The following GLIS1 variants were observed in gnomAD, a reference collection of about 807,000 sequenced individuals.
GLIS1 encodes the protein GLIS family zinc finger 1.
GLIS1 carries 24 observed loss-of-function variants against 63.8 expected under a neutral mutation model. The ratio of observed to expected loss-of-function variants is 0.38; its 90% CI spans 0.27 to 0.53. The LOEUF (loss-of-function observed/expected upper bound fraction) is 0.53. Ranked by LOEUF, GLIS1 falls within the 20% of genes least tolerant of loss-of-function variation. The pLI, the probability that GLIS1 is intolerant of heterozygous loss-of-function variation, is 0.85. For missense variants in GLIS1, 1,036 were observed against 1,074.1 expected (o/e 0.96, Z 0.50); for synonymous variants, 450 against 482.5 (o/e 0.93, Z 0.88).
At chr1:53,576,623 T>C (rs1645034393) in intron 4 of GLIS1, among the ~76,000 whole-genome samples, 1 of 152,154 alleles carries the variant, frequency 6.6e-6, no homozygotes, top group Non-Finnish European at 1.5e-5. Flanking sequence ...GCTGCTAGGC[T>C]GGTATAAACC....
intron 4 of GLIS1, among the ~76,000 whole-genome samples, chr1:53,573,150 C>G (rs1465497918): frequency 6.6e-6 from 1 of 152,176 alleles, no homozygotes; most frequent in Non-Finnish European, 1.5e-5. Flanking sequence ...GTATGGAATA[C>G]AGAGCTTCAG....
chr1:53,594,822 C>CG lies in GLIS1; in HGVS notation c.605dup (p.Arg204ProfsTer103). ...GCGCAGGGGTGGCGAGGCTTCGGCC[C>CG]GGGAGGTCCAGGTCTGGGTGCAGGC... On this transcript the variant is annotated frameshift_variant, in exon 4 of 11. Coordinates refer to ENST00000628545, the MANE Select transcript of GLIS1 (RefSeq NM_001367484.1). LOFTEE classifies it high-confidence loss of function. 1 of 1,605,510 alleles carries CG rather than the reference C, an allele frequency of 6.2e-7. No individual in the cohort carries two copies. The highest frequency in any genetic ancestry group is 8.5e-7 in the Non-Finnish European group (1 of 1,177,264).
In GLIS1 at chr1:53,557,387, T is replaced by C. The variant is rs150868357; in HGVS notation, c.1321-27435A>G. 3.2e-3 allele frequency among the ~76,000 whole-genome samples: 493 copies of C among 152,250 alleles called. 2 individuals are homozygous for C. The highest frequency in any genetic ancestry group is 0.01 in the African/African-American group (431 of 41,536). The stretch of plus-strand genomic sequence containing the variant: ...TTGGCCATGGTCACTCAGATAGTCA[T>C]AGCAATTGGGATTTGACTCAAGCAG... On this transcript the variant is annotated intron_variant, in intron 4 of 10. Coordinates refer to ENST00000628545, the MANE Select transcript of GLIS1 (RefSeq NM_001367484.1).
At chr1:53,709,616 C>T (rs1045480302) in intron 2 of GLIS1, among the ~76,000 whole-genome samples, 2 of 151,936 alleles carry the variant, frequency 1.3e-5, no homozygotes, top group African/African-American at 2.4e-5. Context: ...AAAACTCATT[C>T]ATATTTACTC....
Position 53,594,187 on chromosome 1 carries a change from C to T in GLIS1, c.1241G>A (p.Arg414His), listed in dbSNP as rs1290697343. ...GTAGCGGGCGTTGAAGGGCTTGTAG[C>T]GGCGCACGCAGCCAGCCCAGAAGCA... The part of the protein sequence containing the change: ...FTCFWAGCVR[R>H]YKPFNARYKL... Residue 414 changes from arginine (R) to histidine (H), a missense_variant, in exon 4 of 11, where the codon CGC becomes CAC. Physicochemically the swap from Arg to His is conservative, Grantham distance 29. Coordinates refer to ENST00000628545, the MANE Select transcript of GLIS1 (RefSeq NM_001367484.1). 6 of 1,613,864 alleles carry T rather than the reference C, an allele frequency of 3.7e-6. No homozygotes were observed. The highest frequency in any genetic ancestry group is 4.2e-6 in the Non-Finnish European group (5 of 1,179,966).
intron 2 of GLIS1, among the ~76,000 whole-genome samples, chr1:53,697,035 T>TA (rs549059855): frequency 0.016 from 2,362 of 152,320 alleles, 59 homozygotes; most frequent in African/African-American, 0.051. Context: ...TGTGTCCATA[T>TA]TCACTGGGTG....
chr1:53,638,109 G>T (rs981284204), intron 2 of GLIS1, among the ~76,000 whole-genome samples: 4 of 152,250 alleles, frequency 2.6e-5, no homozygotes, highest in African/African-American at 7.2e-5. Context: ...CCACACATGT[G>T]GTGGGGACTG....
chr1:53,631,741 T>C (rs1645653980), intron 2 of GLIS1, among the ~76,000 whole-genome samples: 2 of 151,440 alleles, frequency 1.3e-5, no homozygotes, highest in Non-Finnish European at 2.9e-5. Context: ...CACTGAGAAG[T>C]GTAACGGGTA....
intron 4 of GLIS1, among the ~76,000 whole-genome samples, chr1:53,553,412 C>A (rs1447114333): frequency 6.6e-6 from 1 of 152,168 alleles, no homozygotes; most frequent in African/African-American, 2.4e-5. Context: ...CATCCACCCA[C>A]CCATCCACCA....
intron 4 of GLIS1, among the ~76,000 whole-genome samples, chr1:53,572,463 G>A (rs1350965938): frequency 3.3e-5 from 5 of 152,182 alleles, no homozygotes; most frequent in Non-Finnish European, 7.3e-5. Context: ...CTCCTTCCAC[G>A]ACACCAGCTG....
rs375119770 is a variant in GLIS1, at chr1:53,594,647, C to A, written c.781G>T (p.Val261Phe). The A allele has an allele frequency of 2.6e-6, 4 of 1,557,246 alleles. No individual in the cohort carries two copies. ...TGGGAGGAGCGGATGATGGAGGTGA[C>A]GTCGGAGGAGGCACAGGGTGAGGAG... is the stretch of plus-strand genomic sequence containing the variant. ...ASSSPCASSD[V>F]TSIIRSSQTS... Residue 261 changes from valine to phenylalanine, a missense_variant, in exon 4 of 11, where the codon GTC becomes TTC. Transcript: ENST00000628545.
chr1:53,703,970 A>T (rs1233918774), intron 2 of GLIS1, among the ~76,000 whole-genome samples: 1 of 152,118 alleles, frequency 6.6e-6, no homozygotes, highest in African/African-American at 2.4e-5. Context: ...CACAACCAAA[A>T]CCGCACACAT....
intron 4 of GLIS1, among the ~76,000 whole-genome samples, chr1:53,555,859 G>A (rs1450806797): frequency 6.9e-6 from 1 of 145,700 alleles, no homozygotes; most frequent in Non-Finnish European, 1.5e-5. Flanking sequence ...TGTACTGTAG[G>A]TATGTGTGTG....
At chr1:53,562,619 G>T (rs1229131046) in intron 4 of GLIS1, among the ~76,000 whole-genome samples, 4 of 152,098 alleles carry the variant, frequency 2.6e-5, no homozygotes, top group African/African-American at 9.7e-5. Context: ...TGCCCCGGGG[G>T]CAGGCATCCC....
chr1:53,651,208 C>T (rs571713198), intron 2 of GLIS1, among the ~76,000 whole-genome samples: 1 of 152,188 alleles, frequency 6.6e-6, no homozygotes, highest in African/African-American at 2.4e-5. Flanking sequence ...TTGTGGAGAG[C>T]CCGTAACTGG....
intron 2 of GLIS1, among the ~76,000 whole-genome samples, chr1:53,621,156 T>C (rs1645538717): frequency 6.6e-6 from 1 of 152,228 alleles, no homozygotes; most frequent in African/African-American, 2.4e-5. Flanking sequence ...ATCATACTAG[T>C]TGCAGGGGTT....
intron 4 of GLIS1, among the ~76,000 whole-genome samples, chr1:53,554,165 C>A (rs895406980): frequency 6.6e-6 from 1 of 152,214 alleles, no homozygotes. Context: ...TGTCACCTGG[C>A]CCTCAAGGGA....
chr1:53,588,278 C>T (rs1645155678), intron 4 of GLIS1, among the ~76,000 whole-genome samples: 1 of 152,214 alleles, frequency 6.6e-6, no homozygotes, highest in African/African-American at 2.4e-5. Flanking sequence ...AGAAGTCTCA[C>T]ATCACAACAT....
chr1:53,685,037 A>C (rs918774992), intron 2 of GLIS1, among the ~76,000 whole-genome samples: 1 of 152,176 alleles, frequency 6.6e-6, no homozygotes, highest in Non-Finnish European at 1.5e-5. Context: ...AAGTCAGGGA[A>C]GGTTTCCTGG....
Sources: allele counts gnomAD v4.1 joint callset (sites outside exome capture counted in the v4.1 genomes callset), GRCh38; gene constraint gnomAD v4.1.1; transcripts MANE v1.5; gene names NCBI Gene and HGNC (gene_info 2026-07-23, HGNC 2026-07-21).